CTNNA3: variants seen among roughly 807,000 people sequenced by gnomAD.
The protein encoded by CTNNA3 is catenin alpha-3.
CTNNA3 carries 76 observed loss-of-function variants against 95.7 expected under a neutral mutation model. The ratio of observed to expected loss-of-function variants is 0.79; its 90% confidence interval spans 0.66 to 0.96. The LOEUF (loss-of-function observed/expected upper bound fraction) is 0.96. Ranked by LOEUF, CTNNA3 falls within the 40% of genes least tolerant of loss-of-function variation. The pLI is 0.00. For synonymous variants in CTNNA3, 431 were observed against 374.4 expected, an observed-to-expected ratio of 1.15 and a Z score of -1.74; for missense variants, 1,191 against 1,089.8, an observed-to-expected ratio of 1.09 and a Z score of -1.31.
At position 67,758,331 on chromosome 10, in the gene CTNNA3, C is replaced by A. The variant is rs796630267; in HGVS notation, c.-2+5103G>T. 1.0e-3 allele frequency among the ~76,000 whole-genome samples: 149 copies of A among 149,184 alleles called. 1 individual carries two copies. The highest frequency in any genetic ancestry group is 3.5e-3 in the African/African-American group (140 of 40,466). On this transcript the variant is annotated intron_variant, in intron 1 of 17. Coordinates refer to the CTNNA3 transcript ENST00000684154. ...ATATATATAAATATATATACACACACACACACACACACACACACACACACA... is the reference window on the plus strand; with the variant it reads ...ATATATATAAATATATATACACACAAACACACACACACACACACACACACA...
intron 3 of CTNNA3, among the ~76,000 whole-genome samples, chr10:67,560,659 G>A (rs150395103): frequency 0.012 from 1,784 of 152,240 alleles, 41 homozygotes; most frequent in African/African-American, 0.04. Context: ...AATGTAAATG[G>A]ACTAAATGCT....
At chr10:66,182,256 CTTTT>C (rs570667950) in intron 13 of CTNNA3, among the ~76,000 whole-genome samples, 2 of 134,532 alleles carry the variant, frequency 1.5e-5, no homozygotes, top group African/African-American at 2.7e-5. Context: ...GGATACATTT[CTTTT>C]TTTTTTTTTT....
chr10:66,506,404 C>T (rs1840452053), intron 11 of CTNNA3, among the ~76,000 whole-genome samples: 1 of 151,792 alleles, frequency 6.6e-6, no homozygotes, highest in South Asian at 2.1e-4. Flanking sequence ...TTTATACTGG[C>T]CAACTTGCTG....
rs67324505 is a variant in CTNNA3 at position 67,647,146 on chromosome 10, T to TTA, written c.99+267_99+268dup. ...AATTTATATAAAGGTACTCTGAAAA[T>TTA]TATATATATATATATATATATATAT... On this transcript the variant is annotated intron_variant, in intron 2 of 17. Transcript: ENST00000433211. 0.033 allele frequency among the ~76,000 whole-genome samples: 4,461 copies of TTA among 136,344 alleles called. 115 individuals carry two copies. Among genetic ancestry groups the TTA allele is most frequent in the Non-Finnish European group, 0.041 (2,552 of 62,232 alleles). 89.4% of individuals were successfully genotyped at this position (136,344 alleles called of 152,430 possible).
At chr10:67,033,129 G>A (rs936550335) in intron 7 of CTNNA3, among the ~76,000 whole-genome samples, 3 of 152,148 alleles carry the variant, frequency 2.0e-5, no homozygotes, top group Non-Finnish European at 4.4e-5. Context: ...TAAATTGAAG[G>A]AAACCGACTG....
intron 7 of CTNNA3, among the ~76,000 whole-genome samples, chr10:66,851,633 T>C (rs10997409): frequency 2.2e-4 from 32 of 144,454 alleles, no homozygotes; most frequent in East Asian, 6.8e-4. Context: ...TTCTCTCACA[T>C]ACACACACAC....
intron 5 of CTNNA3, among the ~76,000 whole-genome samples, chr10:67,423,390 G>A (rs1017719681): frequency 3.3e-5 from 5 of 152,150 alleles, no homozygotes; most frequent in Admixed American, 6.6e-5. Flanking sequence ...ATAGAAGAAA[G>A]AGGGTAATTA....
At chr10:66,382,012 T>C (rs1428144040) in intron 11 of CTNNA3, among the ~76,000 whole-genome samples, 4 of 152,130 alleles carry the variant, frequency 2.6e-5, no homozygotes, top group South Asian at 2.1e-4. Context: ...CCCAGTGTGA[T>C]TGATGCAGAA....
intron 5 of CTNNA3, among the ~76,000 whole-genome samples, chr10:67,396,520 A>T (rs1589251048): frequency 6.6e-6 from 1 of 152,332 alleles, no homozygotes; most frequent in Non-Finnish European, 1.5e-5. Flanking sequence ...ACAGATTTTC[A>T]GCTGCATATA....
chr10:66,915,274 A>G (rs1037139722), intron 7 of CTNNA3, among the ~76,000 whole-genome samples: 5 of 151,788 alleles, frequency 3.3e-5, no homozygotes, highest in Non-Finnish European at 7.4e-5. Context: ...CATACAGAGG[A>G]AAAAAATAGA....
At chr10:67,686,852 G>C (rs1267298817) in intron 1 of CTNNA3, among the ~76,000 whole-genome samples, 3 of 152,070 alleles carry the variant, frequency 2.0e-5, no homozygotes, top group Non-Finnish European at 2.9e-5. Context: ...GATGGACCTT[G>C]AGTTTGTTCC....
intron 7 of CTNNA3, among the ~76,000 whole-genome samples, chr10:66,904,098 A>G (rs1589401899): frequency 6.6e-6 from 1 of 151,232 alleles, no homozygotes; most frequent in Admixed American, 6.6e-5. Context: ...AGAACAAGGT[A>G]TCACACTACC....
intron 5 of CTNNA3, among the ~76,000 whole-genome samples, chr10:67,416,506 A>G (rs988850454): frequency 4.0e-5 from 6 of 150,416 alleles, no homozygotes; most frequent in African/African-American, 1.5e-4. Flanking sequence ...TACTTGGGAG[A>G]CTGAGGCAGG....
At chr10:66,482,592 G>C (rs1026440809) in intron 11 of CTNNA3, among the ~76,000 whole-genome samples, 9 of 152,114 alleles carry the variant, frequency 5.9e-5, no homozygotes, top group African/African-American at 1.4e-4. Context: ...TTTGTACAAA[G>C]TATGCACTAA....
At chr10:67,054,502 G>C (rs1855304353) in intron 7 of CTNNA3, 1 of 152,050 alleles carries the variant, frequency 6.6e-6, no homozygotes. Flanking sequence ...CACTAATATG[G>C]GTTCAACAAT....
intron 6 of CTNNA3, among the ~76,000 whole-genome samples, chr10:67,206,608 T>C (rs936588541): frequency 6.6e-6 from 1 of 150,716 alleles, no homozygotes; most frequent in Admixed American, 6.6e-5. Context: ...AAGAACAGGC[T>C]ATTAGCAAAA....
intron 1 of CTNNA3, among the ~76,000 whole-genome samples, chr10:67,724,640 A>G (rs541987087): frequency 3.3e-5 from 5 of 152,300 alleles, no homozygotes; most frequent in Admixed American, 2.0e-4. Flanking sequence ...CAAGGAGCTG[A>G]TAAACAATTG....
intron 5 of CTNNA3, among the ~76,000 whole-genome samples, chr10:67,342,887 T>C (rs946162766): frequency 1.9e-4 from 29 of 151,624 alleles, no homozygotes; most frequent in African/African-American, 6.8e-4. Flanking sequence ...TCTCCAGTTT[T>C]GTTTTGTTTT....
At chr10:66,257,354 C>T (rs994457237) in intron 13 of CTNNA3, among the ~76,000 whole-genome samples, 1 of 152,332 alleles carries the variant, frequency 6.6e-6, no homozygotes, top group Non-Finnish European at 1.5e-5. Context: ...CCCAAGGAGG[C>T]TGTTTTACAC....
Sources: allele counts gnomAD v4.1 joint callset (sites outside exome capture counted in the v4.1 genomes callset), GRCh38; gene constraint gnomAD v4.1.1; transcripts MANE v1.5; gene names NCBI Gene and HGNC (gene_info 2026-07-23, HGNC 2026-07-21).